PDGFD: variants seen among roughly 807,000 people sequenced by gnomAD.
PDGFD encodes the protein platelet derived growth factor D.
In PDGFD, 30 loss-of-function variants were observed where a neutral mutation model predicts 44.7. The ratio of observed to expected loss-of-function variants is 0.67; its 90% confidence interval spans 0.50 to 0.91. PDGFD has a LOEUF of 0.91. PDGFD is among the 40% of genes least tolerant of loss of function. The pLI is 0.00. For missense variants in PDGFD, 445 were observed against 457.8 expected, an observed-to-expected ratio of 0.97 and a Z score of 0.25; for synonymous variants, 173 against 168.4, an observed-to-expected ratio of 1.03 and a Z score of -0.21.
intron 1 of PDGFD, among the ~76,000 whole-genome samples, chr11:104,113,286 T>A (rs1242354905): frequency 6.6e-6 from 1 of 152,180 alleles, no homozygotes. Context: ...TGTTGCCATG[T>A]CCAAATCGAA....
chr11:104,002,829 A>C (rs1859640580), intron 1 of PDGFD, among the ~76,000 whole-genome samples: 1 of 152,220 alleles, frequency 6.6e-6, no homozygotes, highest in African/African-American at 2.4e-5. Context: ...TTTATTCTAA[A>C]ATAAAACTTT....
In PDGFD at chr11:103,979,912, C is replaced by T. The variant is rs958327319; in HGVS notation, c.510+16153G>A. Among the ~76,000 whole-genome samples, 12 of 152,208 alleles carry T rather than the reference C, an allele frequency of 7.9e-5. No individual in the cohort carries two copies. The South Asian group carries it at 2.5e-3, about 32-fold the overall frequency. ...AATTGTTTATTCTAACTAATTGTAACTTCAAATCAAAATTAGGCACTGGCC... is the reference window on the plus strand; with the variant it reads ...AATTGTTTATTCTAACTAATTGTAATTTCAAATCAAAATTAGGCACTGGCC... On this transcript the variant is annotated intron_variant, in intron 3 of 6. Coordinates refer to ENST00000393158, the MANE Select transcript of PDGFD (RefSeq NM_025208.5).
intron 3 of PDGFD, among the ~76,000 whole-genome samples, chr11:103,953,993 C>T (rs1405402060): frequency 1.3e-5 from 2 of 151,764 alleles, no homozygotes; most frequent in African/African-American, 4.8e-5. Flanking sequence ...AATTTGAGAA[C>T]AATTTACCCA....
chr11:104,025,817 C>A (rs1027605491), intron 1 of PDGFD, among the ~76,000 whole-genome samples: 2 of 152,200 alleles, frequency 1.3e-5, no homozygotes, highest in South Asian at 4.1e-4. Context: ...GTGCTGTTTG[C>A]TCACTCACCT....
intron 1 of PDGFD, among the ~76,000 whole-genome samples, chr11:104,099,162 C>G (rs623031): frequency 0.71 from 107,484 of 152,026 alleles, 38,313 homozygotes; most frequent in East Asian, 0.98. Flanking sequence ...CCCAGCTAAT[C>G]ATCAGCAGAG....
intron 1 of PDGFD, among the ~76,000 whole-genome samples, chr11:104,067,762 G>A (rs905943584): frequency 6.6e-6 from 1 of 152,080 alleles, no homozygotes; most frequent in Non-Finnish European, 1.5e-5. Flanking sequence ...TGAATTTCTA[G>A]TCTTGAATTT....
chr11:104,109,594 A>G (rs1255975630), intron 1 of PDGFD, among the ~76,000 whole-genome samples: 1 of 152,174 alleles, frequency 6.6e-6, no homozygotes. Flanking sequence ...AAGAATATAC[A>G]AGAATATTTG....
At chr11:104,036,627 C>T in intron 1 of PDGFD, 1 of 598,170 alleles carries the variant, frequency 1.7e-6, no homozygotes, top group Non-Finnish European at 3.0e-6. Context: ...CTCCACCTGG[C>T]CACACAGCAG....
At chr11:104,026,849 T>C (rs757278489) in intron 1 of PDGFD, among the ~76,000 whole-genome samples, 17 of 152,198 alleles carry the variant, frequency 1.1e-4, no homozygotes, top group Non-Finnish European at 2.5e-4. Context: ...ACAAATAAAC[T>C]TACCCAACAG....
chr11:103,923,330 C>T (rs974370808), intron 6 of PDGFD, among the ~76,000 whole-genome samples: 3 of 152,044 alleles, frequency 2.0e-5, no homozygotes, highest in South Asian at 4.1e-4. Context: ...CAGTGAAAAC[C>T]GCTCAAAACC....
intron 1 of PDGFD, among the ~76,000 whole-genome samples, chr11:104,153,036 A>G (rs1862265339): frequency 6.6e-6 from 1 of 151,024 alleles, no homozygotes; most frequent in African/African-American, 2.5e-5. Context: ...AGGTTTCTCC[A>G]CATCAATGTT....
At chr11:104,030,930 T>C (rs1032690487) in intron 1 of PDGFD, among the ~76,000 whole-genome samples, 3 of 152,180 alleles carry the variant, frequency 2.0e-5, no homozygotes, top group Admixed American at 6.5e-5. Flanking sequence ...AACCACAACA[T>C]TTTATTTACA....
At chr11:104,086,043 C>A (rs1182529184) in intron 1 of PDGFD, among the ~76,000 whole-genome samples, 1 of 152,162 alleles carries the variant, frequency 6.6e-6, no homozygotes, top group South Asian at 2.1e-4. Flanking sequence ...GCCTTTACTA[C>A]CTTTTGAAAG....
intron 1 of PDGFD, among the ~76,000 whole-genome samples, chr11:104,034,828 G>C (rs933341773): frequency 4.6e-5 from 7 of 152,006 alleles, no homozygotes; most frequent in Admixed American, 4.6e-4. Flanking sequence ...ATTTTTAGTA[G>C]AGACAGGGTT....
intron 5 of PDGFD, among the ~76,000 whole-genome samples, chr11:103,936,221 T>C (rs1161717532): frequency 1.3e-5 from 2 of 152,216 alleles, no homozygotes; most frequent in Non-Finnish European, 2.9e-5. Flanking sequence ...TACAGAGATG[T>C]AGTTACAGAT....
chr11:103,969,360 G>T (rs1397518826), intron 3 of PDGFD, among the ~76,000 whole-genome samples: 1 of 151,642 alleles, frequency 6.6e-6, no homozygotes, highest in Admixed American at 6.6e-5. Context: ...TGGCTTAAGG[G>T]TTACTATTAT....
At chr11:104,090,073 T>A (rs1430496940) in intron 1 of PDGFD, among the ~76,000 whole-genome samples, 2 of 152,270 alleles carry the variant, frequency 1.3e-5, no homozygotes, top group Non-Finnish European at 2.9e-5. Flanking sequence ...TAAGAGTGAT[T>A]ACAGTGACCT....
intron 6 of PDGFD, among the ~76,000 whole-genome samples, chr11:103,914,042 G>A (rs1858073782): frequency 6.6e-6 from 1 of 152,140 alleles, no homozygotes; most frequent in Admixed American, 6.5e-5. Context: ...GCCTCTAATG[G>A]ACAAGGGCCC....
chr11:103,925,781 T>C (rs148000365), intron 6 of PDGFD, among the ~76,000 whole-genome samples: 1 of 147,484 alleles, frequency 6.8e-6, no homozygotes, highest in African/African-American at 2.5e-5. Flanking sequence ...CAGGCTGGAG[T>C]GCAATGGCGC....
Sources: gnomAD v4.1 joint callset for allele counts (sites outside exome capture counted in the v4.1 genomes callset) on GRCh38, gnomAD v4.1.1 for gene constraint, MANE v1.5 for transcripts, NCBI Gene and HGNC (gene_info 2026-07-23, HGNC 2026-07-21) for gene names.